The following CAMTA1 variants were observed in gnomAD, a reference collection of about 807,000 sequenced individuals.
CAMTA1 encodes calmodulin binding transcription activator 1, also known as calmodulin-binding transcription activator 1.
A neutral mutation model predicts 170.9 loss-of-function variants in CAMTA1; 27 were observed. That is an observed-to-expected ratio of 0.16 (90% confidence interval 0.12 to 0.22). CAMTA1 has a LOEUF of 0.22. Ranked by LOEUF, CAMTA1 falls within the 10% of genes least tolerant of loss-of-function variation. CAMTA1 has a pLI of 1.00. For synonymous variants in CAMTA1, 833 were observed against 891.5 expected (o/e 0.93, Z 1.17); for missense variants, 1,619 against 2,217.2 (o/e 0.73, Z 5.42).
intron 4 of CAMTA1, among the ~76,000 whole-genome samples, chr1:7,109,232 G>A (rs1288070011): frequency 6.6e-6 from 1 of 152,242 alleles, no homozygotes; most frequent in African/African-American, 2.4e-5. Context: ...CTGTCAAGGG[G>A]AGCTGACCCA....
chr1:7,488,611 AAC>A (rs925757659), intron 6 of CAMTA1, among the ~76,000 whole-genome samples: 15 of 152,196 alleles, frequency 9.9e-5, no homozygotes, highest in East Asian at 7.7e-4. Context: ...TGATACATGT[AAC>A]ACATACACAT....
chr1:7,587,854 G>A (rs1054969695), intron 6 of CAMTA1, among the ~76,000 whole-genome samples: 5 of 152,208 alleles, frequency 3.3e-5, no homozygotes, highest in African/African-American at 1.2e-4. Context: ...CCCCCAGAGA[G>A]AGCAGACCTG....
intron 5 of CAMTA1, among the ~76,000 whole-genome samples, chr1:7,283,493 A>C (rs1365726544): frequency 6.6e-6 from 1 of 152,152 alleles, no homozygotes; most frequent in Non-Finnish European, 1.5e-5. Context: ...TCTGGGCTCC[A>C]GATAGGAGAG....
intron 5 of CAMTA1, among the ~76,000 whole-genome samples, chr1:7,375,365 C>T (rs1315878176): frequency 6.6e-6 from 1 of 152,168 alleles, no homozygotes; most frequent in African/African-American, 2.4e-5. Flanking sequence ...CACCATTGGC[C>T]ACACCCTAGA....
intron 6 of CAMTA1, among the ~76,000 whole-genome samples, chr1:7,582,254 T>C (rs1226745378): frequency 6.6e-6 from 1 of 152,130 alleles, no homozygotes; most frequent in Non-Finnish European, 1.5e-5. Flanking sequence ...CTCTCTCCTG[T>C]CAGTTTGCAG....
Position 6,808,829 on chromosome 1 carries a change from C to T in CAMTA1, c.46-11352C>T, listed in dbSNP as rs561071951. On this transcript the variant is annotated intron_variant, in intron 1 of 22. Transcript: ENST00000303635. The stretch of plus-strand genomic sequence containing the variant: ...GTAGAATTGGGGTGAGGAAAGAGCT[C>T]GCATGGCTGAGGAGTGTGTGTGTCA... Among the ~76,000 whole-genome samples the T allele has an allele frequency of 1.7e-4, 26 of 152,136 alleles. No individual in the cohort carries two copies. In the East Asian group the frequency reaches 4.6e-3, roughly 27 times the overall value.
rs1395543676 is a variant in CAMTA1 at position 7,050,249 on chromosome 1, G to GT, written c.235-41054dup. ...CCTCCATGGTGGTGAAGGGCTGGGG[G>GT]TAGGACCACAGCCTCCTTGTCTTGC... On this transcript the variant is annotated intron_variant, in intron 3 of 22. Coordinates refer to ENST00000303635, the MANE Select transcript of CAMTA1 (RefSeq NM_015215.4). The surrounding 1 kb of genome is among the most constrained non-coding windows in gnomAD (Gnocchi z 4.8). Among the ~76,000 whole-genome samples the GT allele has an allele frequency of 2.0e-5, 3 of 152,306 alleles. No homozygotes were observed. In the East Asian group the frequency reaches 5.8e-4, roughly 29 times the overall value.
intron 6 of CAMTA1, among the ~76,000 whole-genome samples, chr1:7,526,256 G>A (rs2150011248): frequency 6.6e-6 from 1 of 152,070 alleles, no homozygotes; most frequent in East Asian, 1.9e-4. Context: ...AGGGGCTCCA[G>A]GGGCTCTGGA....
intron 4 of CAMTA1, among the ~76,000 whole-genome samples, chr1:7,119,321 G>A (rs181731769): frequency 6.6e-6 from 1 of 152,176 alleles, no homozygotes; most frequent in East Asian, 1.9e-4. Flanking sequence ...CAGTGCAGAG[G>A]GTGTTGGAGA....
chr1:6,984,061 G>A (rs1252458670), intron 3 of CAMTA1, among the ~76,000 whole-genome samples: 1 of 152,050 alleles, frequency 6.6e-6, no homozygotes. Flanking sequence ...TGGATAAATG[G>A]GTGGGTGGAT....
At chr1:7,761,052 G>T (rs1349818626) in intron 22 of CAMTA1, among the ~76,000 whole-genome samples, 1 of 152,200 alleles carries the variant, frequency 6.6e-6, no homozygotes, top group Non-Finnish European at 1.5e-5. Context: ...TTTCAGTGCT[G>T]TTGCTTACGA....
rs77389846 is a variant in CAMTA1, at chr1:7,259,335, G to A, written c.438+9709G>A. Among the ~76,000 whole-genome samples, 111 of 152,288 alleles carry A rather than the reference G, an allele frequency of 7.3e-4. 2 individuals are homozygous for A. In the East Asian group the frequency reaches 0.019, roughly 26 times the overall value. ...TGTAACTCGCGCAAAACCTGAGACC[G>A]GCGCAAATACTGAAGCGGTCAGTAT... is the stretch of plus-strand genomic sequence containing the variant. On this transcript the variant is annotated intron_variant, in intron 5 of 22. Transcript: ENST00000303635.
chr1:7,678,307 G>A (rs2096144840), intron 11 of CAMTA1, among the ~76,000 whole-genome samples: 1 of 152,192 alleles, frequency 6.6e-6, no homozygotes, highest in Admixed American at 6.5e-5. Context: ...CAGCTTCTTG[G>A]CTGATTTTAA....
intron 6 of CAMTA1, among the ~76,000 whole-genome samples, chr1:7,494,060 A>G (rs542206133): frequency 2.6e-5 from 4 of 151,626 alleles, no homozygotes; most frequent in African/African-American, 7.3e-5. Context: ...AACTGGGTTC[A>G]TTCTGCCTTT....
At chr1:7,099,822 G>T (rs907265603) in intron 4 of CAMTA1, among the ~76,000 whole-genome samples, 1 of 152,236 alleles carries the variant, frequency 6.6e-6, no homozygotes, top group Non-Finnish European at 1.5e-5. Context: ...GAGGGGCTGG[G>T]AATGTCAGCA....
chr1:7,597,791 AC>A (rs2095411502), intron 6 of CAMTA1, among the ~76,000 whole-genome samples: 1 of 152,170 alleles, frequency 6.6e-6, no homozygotes, highest in African/African-American at 2.4e-5. Context: ...TCATCTGCTT[AC>A]CCAAAGTCTA....
chr1:7,227,747 G>A (rs1247388770), intron 4 of CAMTA1, among the ~76,000 whole-genome samples: 1 of 152,216 alleles, frequency 6.6e-6, no homozygotes, highest in African/African-American at 2.4e-5. Flanking sequence ...CCTGAGGAGT[G>A]ACCAGTGACT....
intron 11 of CAMTA1, among the ~76,000 whole-genome samples, chr1:7,717,614 G>A (rs1214386138): frequency 6.6e-6 from 1 of 152,072 alleles, no homozygotes; most frequent in Non-Finnish European, 1.5e-5. Flanking sequence ...AGGCGTGGTG[G>A]TGCATGCCTG....
chr1:7,262,344 C>G lies in CAMTA1; in HGVS notation c.438+12718C>G, dbSNP rs1298179799. 2.0e-5 allele frequency among the ~76,000 whole-genome samples: 3 copies of G among 151,930 alleles called. No homozygotes were observed. The South Asian group carries it at 6.2e-4, about 32-fold the overall frequency. On this transcript the variant is annotated intron_variant, in intron 5 of 22. Coordinates refer to ENST00000303635, the MANE Select transcript of CAMTA1 (RefSeq NM_015215.4). The stretch of plus-strand genomic sequence containing the variant: ...TGGGAGGCCGAGGCGGGCGGATCAC[C>G]TGAGGTCAGGAGTTCAAGACCAGCC...
Sources: allele counts gnomAD v4.1 joint callset (sites outside exome capture counted in the v4.1 genomes callset), GRCh38; gene constraint gnomAD v4.1.1; non-coding constraint Gnocchi (gnomAD v3.1); transcripts MANE v1.5; gene names NCBI Gene and HGNC (gene_info 2026-07-23, HGNC 2026-07-21).